Variants in ADGRL3 observed in about 807,000 individuals in gnomAD.
ADGRL3 encodes adhesion G protein-coupled receptor L3, also known as calcium-independent alpha-latrotoxin receptor 3.
In ADGRL3, 62 loss-of-function variants were observed where a neutral mutation model predicts 153.5. The ratio of observed to expected loss-of-function variants is 0.40; its 90% CI spans 0.33 to 0.50. ADGRL3 has a LOEUF of 0.50. Among genes scored for constraint, ADGRL3 ranks in the 20% least tolerant of loss-of-function variants. ADGRL3 has a pLI of 0.47. For missense variants in ADGRL3, 1,641 were observed against 1,859.4 expected, an observed-to-expected ratio of 0.88 and a Z score of 2.16; for synonymous variants, 710 against 672.5, an observed-to-expected ratio of 1.06 and a Z score of -0.86.
At chr4:61,985,325 GGTACAT>G (rs1345081517) in intron 19 of ADGRL3, among the ~76,000 whole-genome samples, 1 of 151,750 alleles carries the variant, frequency 6.6e-6, no homozygotes, top group East Asian at 1.9e-4. Context: ...GGACAGGCAA[GGTACAT>G]TTTGAAGCAG....
In ADGRL3 at chr4:61,983,499, A is replaced by T; in HGVS notation, c.3132A>T (p.Glu1044Asp). ...TGCTGGTGGAGGTTTTTGAGAGTGA[A>T]CATTCACGTAGGAAATACTTTTATC... ...YIMLVEVFES[E>D]HSRRKYFYLV... is the part of the protein sequence containing the mutation. The change falls in exon 19 of 27, where the codon GAA becomes GAT. Residue 1044 changes from glutamate to aspartate, a missense_variant. Coordinates refer to ENST00000683033, the MANE Select transcript of ADGRL3 (RefSeq NM_001387552.1). 6.2e-7 allele frequency: 1 copy of T among 1,613,930 alleles called. No individual in the cohort carries two copies. Among genetic ancestry groups the T allele is most frequent in the Non-Finnish European group, 8.5e-7 (1 of 1,179,864 alleles).
chr4:61,595,628 A>G (rs1007732845), intron 5 of ADGRL3, among the ~76,000 whole-genome samples: 3 of 152,144 alleles, frequency 2.0e-5, no homozygotes, highest in African/African-American at 7.2e-5. Context: ...GCCTGGGGTT[A>G]GAGGAGTGAT....
chr4:61,870,287 CT>C (rs2149377311), intron 9 of ADGRL3, among the ~76,000 whole-genome samples: 1 of 152,164 alleles, frequency 6.6e-6, no homozygotes, highest in East Asian at 1.9e-4. Context: ...GGACCTATCC[CT>C]TATACTATAC....
intron 5 of ADGRL3, among the ~76,000 whole-genome samples, chr4:61,643,822 T>G (rs2093815752): frequency 6.8e-6 from 1 of 146,258 alleles, no homozygotes; most frequent in African/African-American, 2.5e-5. Context: ...TTAGGGAGGA[T>G]TCCCTCTTTT....
At chr4:61,358,606 A>T (rs2096230572) in intron 1 of ADGRL3, among the ~76,000 whole-genome samples, 1 of 150,886 alleles carries the variant, frequency 6.6e-6, no homozygotes, top group Admixed American at 6.6e-5. Context: ...CAAAAAAAAA[A>T]AAAAAAAAAA....
chr4:61,827,418 A>C (rs2148816280), intron 9 of ADGRL3, among the ~76,000 whole-genome samples: 1 of 152,336 alleles, frequency 6.6e-6, no homozygotes, highest in Middle Eastern at 3.4e-3. Flanking sequence ...CACTGACAAA[A>C]GAAATTATAG....
At chr4:62,011,640 G>A (rs950665675) in intron 21 of ADGRL3, among the ~76,000 whole-genome samples, 4 of 151,932 alleles carry the variant, frequency 2.6e-5, no homozygotes, top group Admixed American at 6.6e-5. Context: ...ATATTTTAGC[G>A]TAGTATGTCT....
In ADGRL3 at chr4:61,948,293, A is replaced by G; in HGVS notation, c.2805+17A>G. On this transcript the variant is annotated intron_variant, in intron 17 of 26. Coordinates refer to ENST00000683033, the MANE Select transcript of ADGRL3 (RefSeq NM_001387552.1). ...GAAGTTAAGGTAAGATATATACCAT[A>G]CAATGAAAATGTTTTAGTATATTAT... The G allele has an allele frequency of 6.3e-7, 1 of 1,598,220 alleles. No homozygotes were observed. Among genetic ancestry groups the G allele is most frequent in the Non-Finnish European group, 8.6e-7 (1 of 1,166,640 alleles).
At chr4:61,813,516 T>A (rs545742384) in intron 8 of ADGRL3, among the ~76,000 whole-genome samples, 2 of 152,228 alleles carry the variant, frequency 1.3e-5, no homozygotes, top group African/African-American at 4.8e-5. Context: ...CTTTGAGTTT[T>A]TTTTCTTATA....
intron 6 of ADGRL3, among the ~76,000 whole-genome samples, chr4:61,694,950 T>G (rs1372908445): frequency 6.6e-6 from 1 of 152,218 alleles, no homozygotes; most frequent in Non-Finnish European, 1.5e-5. Flanking sequence ...CAACTCCTCG[T>G]GTTCAGTTTT....
chr4:61,761,361 GA>G (rs1455418627), intron 8 of ADGRL3, among the ~76,000 whole-genome samples: 1 of 152,192 alleles, frequency 6.6e-6, no homozygotes, highest in African/African-American at 2.4e-5. Context: ...GCCCAGGAAG[GA>G]ACAAGGACAG....
intron 9 of ADGRL3, among the ~76,000 whole-genome samples, chr4:61,845,211 T>C (rs1198688239): frequency 1.3e-5 from 2 of 152,192 alleles, no homozygotes; most frequent in African/African-American, 4.8e-5. Flanking sequence ...CCTCACCTTT[T>C]CTTTTGGGGA....
In ADGRL3 at chr4:61,364,680, C is replaced by G. The variant is rs78323198; in HGVS notation, c.-239-18444C>G. On this transcript the variant is annotated intron_variant, in intron 1 of 26. Coordinates refer to ENST00000683033, the MANE Select transcript of ADGRL3 (RefSeq NM_001387552.1). Reference sequence around the variant, plus strand: ...AAGTAAATGAAGCCATTAACACGGACAGAGAATTAGAGAAGGACATTCTAA... The same window carrying G: ...AAGTAAATGAAGCCATTAACACGGAGAGAGAATTAGAGAAGGACATTCTAA... 4.8e-3 allele frequency among the ~76,000 whole-genome samples: 732 copies of G among 152,216 alleles called. 12 individuals carry two copies. The highest frequency in any genetic ancestry group is 0.017 in the African/African-American group (689 of 41,536).
At chr4:61,895,166 A>G (rs1472387296) in intron 10 of ADGRL3, among the ~76,000 whole-genome samples, 1 of 152,046 alleles carries the variant, frequency 6.6e-6, no homozygotes, top group Non-Finnish European at 1.5e-5. Flanking sequence ...CATCCATGAA[A>G]TTCTTTAAAA....
chr4:61,902,033 C>T (rs948485910), intron 11 of ADGRL3, among the ~76,000 whole-genome samples: 1 of 152,090 alleles, frequency 6.6e-6, no homozygotes, highest in Non-Finnish European at 1.5e-5. Flanking sequence ...GAGGCACATT[C>T]AACATATATG....
chr4:62,065,497 T>C (rs1382716206), intron 25 of ADGRL3, among the ~76,000 whole-genome samples: 1 of 152,052 alleles, frequency 6.6e-6, no homozygotes, highest in African/African-American at 2.4e-5. Flanking sequence ...ATTGTGTCAT[T>C]ATAAACATAT....
At chr4:61,514,384 A>T (rs1173210528) in intron 3 of ADGRL3, among the ~76,000 whole-genome samples, 1 of 152,212 alleles carries the variant, frequency 6.6e-6, no homozygotes, top group African/African-American at 2.4e-5. Flanking sequence ...CACCAGATTT[A>T]TAAGTGTGCT....
At chr4:61,855,776 T>TA (rs1223155474) in intron 9 of ADGRL3, among the ~76,000 whole-genome samples, 1 of 152,182 alleles carries the variant, frequency 6.6e-6, no homozygotes, top group East Asian at 1.9e-4. Flanking sequence ...CTTTCTTTTT[T>TA]TTTCAGCCAC....
chr4:61,991,611 C>G (rs1581777149), intron 19 of ADGRL3, among the ~76,000 whole-genome samples: 1 of 151,980 alleles, frequency 6.6e-6, no homozygotes, highest in Non-Finnish European at 1.5e-5. Context: ...TTGACCACCA[C>G]TGATTGCACT....
Sources: allele counts gnomAD v4.1 joint callset (sites outside exome capture counted in the v4.1 genomes callset), GRCh38; gene constraint gnomAD v4.1.1; transcripts MANE v1.5; gene names NCBI Gene and HGNC (gene_info 2026-07-23, HGNC 2026-07-21).